Variants in SHCBP1 observed in about 807,000 individuals in gnomAD.
SHCBP1 encodes SHC binding and spindle associated 1, also known as SHC SH2 domain-binding protein 1.
Under a neutral mutation model 75.1 loss-of-function variants are expected in SHCBP1, and 60 were observed. That is an observed-to-expected ratio of 0.80 (90% confidence interval 0.65 to 0.99). The LOEUF (loss-of-function observed/expected upper bound fraction) is 0.99. Among genes scored for constraint, SHCBP1 ranks in the 50% least tolerant of loss-of-function variants. The probability of loss-of-function intolerance (pLI) is 0.00; values close to 1 mark genes in which losing one functional copy is unlikely to be tolerated. For synonymous variants in SHCBP1, 290 were observed against 293.2 expected (o/e 0.99, Z 0.11); for missense variants, 709 against 809.4 (o/e 0.88, Z 1.50).
intron 12 of SHCBP1, among the ~76,000 whole-genome samples, chr16:46,582,375 C>A (rs1187048433): frequency 6.6e-6 from 1 of 152,188 alleles, no homozygotes; most frequent in African/African-American, 2.4e-5. Flanking sequence ...GCCCCATGAT[C>A]CCCACCCCCT....
chr16:46,598,254 C>T (rs1407746084), intron 9 of SHCBP1, among the ~76,000 whole-genome samples: 6 of 152,132 alleles, frequency 3.9e-5, no homozygotes, highest in African/African-American at 7.2e-5. Context: ...CCAGACCCAT[C>T]GGAGGAATCA....
intron 4 of SHCBP1, among the ~76,000 whole-genome samples, chr16:46,614,563 G>A (rs1214097248): frequency 6.6e-6 from 1 of 152,144 alleles, no homozygotes; most frequent in Non-Finnish European, 1.5e-5. Flanking sequence ...GAAGGGACAA[G>A]GGGTCCACTT....
At position 46,621,218 on chromosome 16, in the gene SHCBP1, C is replaced by T. The variant is rs1468574149; in HGVS notation, c.103+39G>A. ...AGGGTCCCGACGCCCCAGGCCTCCG[C>T]TCAGAGGCGGCTCCTCGGCCCCGGC... On this transcript the variant is annotated intron_variant, in intron 1 of 12. Transcript: ENST00000303383. 3.2e-6 allele frequency: 5 copies of T among 1,577,616 alleles called. No individual in the cohort carries two copies. The East Asian group carries it at 9.1e-5, about 29-fold the overall frequency.
Position 46,578,872 on chromosome 16 carries a change from C to G in SHCBP1, c.*2857G>C, listed in dbSNP as rs1045078525. Among the ~76,000 whole-genome samples the G allele has an allele frequency of 6.6e-6, 1 of 152,094 alleles. No homozygotes were observed. The highest frequency in any genetic ancestry group is 1.9e-4 in the East Asian group (1 of 5,194). On this transcript the variant is annotated 3_prime_UTR_variant, in exon 13 of 13. Coordinates refer to ENST00000303383, the MANE Select transcript of SHCBP1 (RefSeq NM_024745.5). ...GAATTACAAAGAAACATGAACGACA[C>G]GGTTCTTATGAGCTCATCAGTGTTC...
chr16:46,617,469 T>A (rs1478825106), intron 3 of SHCBP1, among the ~76,000 whole-genome samples, 165 bp downstream of exon 3: 1 of 145,644 alleles, frequency 6.9e-6, no homozygotes, highest in African/African-American at 2.5e-5. Flanking sequence ...TCAGTTGCCT[T>A]TAAAATTTGC....
Position 46,581,865 on chromosome 16 carries a change from A to C in SHCBP1, c.1883T>G (p.Ile628Arg). The part of the protein sequence containing the change: ...LIAASTQKGQ[I>R]KKKRLSELGI... ...CAGTTCACTCAACCTTTTCTTCTTTATCTGGCCTTTCTGTGTGGAGGCAGC... is the reference window on the plus strand; with the variant it reads ...CAGTTCACTCAACCTTTTCTTCTTTCTCTGGCCTTTCTGTGTGGAGGCAGC... Residue 628 changes from isoleucine to arginine, a missense_variant, in exon 13 of 13, where the codon ATA (isoleucine) becomes AGA (arginine). Physicochemically the swap from Ile to Arg is moderately conservative, Grantham distance 97. Transcript: ENST00000303383. The C allele has an allele frequency of 6.2e-7, 1 of 1,614,100 alleles. No individual in the cohort carries two copies. The highest frequency in any genetic ancestry group is 8.5e-7 in the Non-Finnish European group (1 of 1,180,012).
chr16:46,619,281 TGTAGA>T (rs1174212306), intron 1 of SHCBP1, among the ~76,000 whole-genome samples: 4 of 152,236 alleles, frequency 2.6e-5, no homozygotes, highest in African/African-American at 9.6e-5. Flanking sequence ...GCATTTAGAA[TGTAGA>T]GTAGTCTCCA....
intron 4 of SHCBP1, among the ~76,000 whole-genome samples, chr16:46,615,661 A>G (rs1158544137): frequency 2.6e-5 from 4 of 151,988 alleles, no homozygotes; most frequent in African/African-American, 9.7e-5. Flanking sequence ...AATTGCTTGA[A>G]CCCAGGAGGC....
At chr16:46,597,588 A>G (rs1017962277) in intron 9 of SHCBP1, among the ~76,000 whole-genome samples, 1 of 152,200 alleles carries the variant, frequency 6.6e-6, no homozygotes, top group African/African-American at 2.4e-5. Flanking sequence ...GCCTTCAGCA[A>G]GACATAATCT....
chr16:46,587,420 A>T (rs1351613152), intron 10 of SHCBP1, among the ~76,000 whole-genome samples: 2 of 152,216 alleles, frequency 1.3e-5, no homozygotes, highest in African/African-American at 4.8e-5. Context: ...CTAAAGATTT[A>T]ATATCAATAA....
Position 46,621,322 on chromosome 16 carries a change from G to A in SHCBP1, c.38C>T (p.Ala13Val), listed in dbSNP as rs144267302. ...DGSLTGGGLE[A>V]AAMAPERMGW... The stretch of plus-strand genomic sequence containing the variant: ...CATGCGCTCCGGCGCCATGGCCGCT[G>A]CCTCCAGACCGCCGCCCGTCAGCGA... Residue 13 changes from alanine (A) to valine (V), a missense_variant, in exon 1 of 13, where the codon GCA becomes GTA. Coordinates refer to ENST00000303383, the MANE Select transcript of SHCBP1 (RefSeq NM_024745.5). 6.9e-5 allele frequency: 111 copies of A among 1,611,352 alleles called. No individual in the cohort carries two copies. In the African/African-American group the frequency reaches 1.2e-3, roughly 18 times the overall value.
rs957423232 is a variant in SHCBP1 at position 46,580,503 on chromosome 16, A to T, written c.*1226T>A. 1 of 152,256 alleles carries T rather than the reference A, an allele frequency of 6.6e-6. No individual in the cohort carries two copies. Among genetic ancestry groups the T allele is most frequent in the African/African-American group, 2.4e-5 (1 of 41,468 alleles). The allele number at this position is 152,256 out of a possible 1,614,324, so 9.4% of individuals were successfully genotyped here. On this transcript the variant is annotated 3_prime_UTR_variant, in exon 13 of 13. Coordinates refer to ENST00000303383, the MANE Select transcript of SHCBP1 (RefSeq NM_024745.5). The stretch of plus-strand genomic sequence containing the variant: ...GTATTCTTAAATGACCACATATGCT[A>T]CACTGACACTATGGCCCACAGTGAG...
chr16:46,588,516 A>C (rs1964989114), intron 10 of SHCBP1, among the ~76,000 whole-genome samples: 1 of 152,242 alleles, frequency 6.6e-6, no homozygotes, highest in Non-Finnish European at 1.5e-5. Context: ...CAGAAATACA[A>C]ACTACCATCA....
chr16:46,592,029 C>T (rs919665465), intron 10 of SHCBP1, among the ~76,000 whole-genome samples: 7 of 151,796 alleles, frequency 4.6e-5, no homozygotes, highest in African/African-American at 1.7e-4. Context: ...ATAATCTAAT[C>T]TCTCAGGTGG....
intron 2 of SHCBP1, 120 bp from the exon 3 acceptor site, chr16:46,617,869 A>G: frequency 1.2e-6 from 1 of 805,408 alleles, no homozygotes; most frequent in Non-Finnish European, 2.0e-6. Flanking sequence ...TCTACTTGCA[A>G]ACTAAAAAGA....
intron 9 of SHCBP1, among the ~76,000 whole-genome samples, chr16:46,595,920 G>GA (rs914829797): frequency 6.7e-6 from 1 of 148,204 alleles, no homozygotes; most frequent in Non-Finnish European, 1.5e-5. Context: ...TCCATTACCA[G>GA]AAAAAAAAAG....
chr16:46,599,767 A>T, intron 9 of SHCBP1, 64 bp downstream of exon 9: 1 of 1,448,868 alleles, frequency 6.9e-7, no homozygotes. Flanking sequence ...TCTATCTTCC[A>T]TAGAGAGAAC....
intron 10 of SHCBP1, among the ~76,000 whole-genome samples, chr16:46,595,177 C>T (rs1965115108): frequency 6.6e-6 from 1 of 152,096 alleles, no homozygotes; most frequent in Non-Finnish European, 1.5e-5. Flanking sequence ...CTGACAGGAT[C>T]GATGTCAGTA....
At chr16:46,586,442 G>A (rs935496561) in intron 10 of SHCBP1, among the ~76,000 whole-genome samples, 1 of 152,112 alleles carries the variant, frequency 6.6e-6, no homozygotes, top group Non-Finnish European at 1.5e-5. Flanking sequence ...AAAAAGAAAA[G>A]TAAACAGAGC....
Sources: gnomAD v4.1 joint callset for allele counts (sites outside exome capture counted in the v4.1 genomes callset) on GRCh38, gnomAD v4.1.1 for gene constraint, MANE v1.5 for transcripts, NCBI Gene and HGNC (gene_info 2026-07-23, HGNC 2026-07-21) for gene names.